Variants in CPNE4 observed in about 807,000 individuals in gnomAD.
The protein encoded by CPNE4 is copine 4, also known as copine-4.
CPNE4 carries 25 observed loss-of-function variants against 67.9 expected under a neutral mutation model. The ratio of observed to expected loss-of-function variants is 0.37; its 90% CI spans 0.27 to 0.51. The LOEUF (loss-of-function observed/expected upper bound fraction) is 0.51, where lower values mean the gene tolerates loss of function less well. Ranked by LOEUF, CPNE4 falls within the 20% of genes least tolerant of loss-of-function variation. The probability of loss-of-function intolerance (pLI) is 0.93; values close to 1 mark genes in which losing one functional copy is unlikely to be tolerated. For synonymous variants in CPNE4, 242 were observed against 244.9 expected, an observed-to-expected ratio of 0.99 and a Z score of 0.11; for missense variants, 464 against 690.8, an observed-to-expected ratio of 0.67 and a Z score of 3.68.
At chr3:131,882,723 A>ATTTTT (rs534737633) in intron 2 of CPNE4, among the ~76,000 whole-genome samples, 35,157 of 135,688 alleles carry the variant, frequency 0.26, 5,830 homozygotes, top group Non-Finnish European at 0.35. Context: ...GTTCTGCTCT[A>ATTTTT]TTTTTTTTTT....
chr3:131,733,552 C>T (rs988599493), intron 2 of CPNE4, among the ~76,000 whole-genome samples: 1 of 152,228 alleles, frequency 6.6e-6, no homozygotes, highest in Non-Finnish European at 1.5e-5. Flanking sequence ...TAAGCTGGCA[C>T]ATAAATATCA....
chr3:131,863,168 T>C lies in CPNE4; in HGVS notation c.180+42096A>G, dbSNP rs560323983. Among the ~76,000 whole-genome samples the C allele has an allele frequency of 1.2e-4, 19 of 152,342 alleles. No homozygotes were observed. The East Asian group carries it at 3.7e-3, about 29-fold the overall frequency. Reference sequence around the variant, plus strand: ...ATTGTGAATAGTGCAACAATAAATATACGTGTGCATGTGTCTTTATAGCAG... The same window carrying C: ...ATTGTGAATAGTGCAACAATAAATACACGTGTGCATGTGTCTTTATAGCAG... On this transcript the variant is annotated intron_variant, in intron 2 of 15. Coordinates refer to ENST00000429747, the MANE Select transcript of CPNE4 (RefSeq NM_130808.3).
chr3:131,942,457 TGTGTGTGAGAGAGAGAGAGA>T (rs1406616400), intron 1 of CPNE4, among the ~76,000 whole-genome samples: 184 of 60,922 alleles, frequency 3.0e-3, no homozygotes, highest in Middle Eastern at 7.1e-3. Context: ...TGTGTGTGTG[TGTGTGTGAGAGAGAGAGAGA>T]GAGAGAGAGA....
chr3:131,636,992 G>A (rs573440579), intron 7 of CPNE4, among the ~76,000 whole-genome samples: 2 of 152,308 alleles, frequency 1.3e-5, no homozygotes, highest in Admixed American at 1.3e-4. Context: ...GGAAAAGGGA[G>A]AACAGCACAT....
At chr3:132,012,382 T>C (rs1239986637) in intron 1 of CPNE4, among the ~76,000 whole-genome samples, 1 of 152,164 alleles carries the variant, frequency 6.6e-6, no homozygotes, top group South Asian at 2.1e-4. Context: ...TTGGCCAGGT[T>C]GGTCTCAAAC....
At chr3:131,657,535 T>C (rs1290360244) in intron 7 of CPNE4, among the ~76,000 whole-genome samples, 2 of 4,170 alleles carry the variant, frequency 4.8e-4, no homozygotes, top group African/African-American at 9.0e-4. Context: ...TATCTGTATT[T>C]TTTTTTTTTT....
chr3:131,936,062 G>T, intron 1 of CPNE4, among the ~76,000 whole-genome samples: 1 of 151,712 alleles, frequency 6.6e-6, no homozygotes, highest in African/African-American at 2.4e-5. Context: ...CAGGGCTTCT[G>T]ATATGCTCAT....
At chr3:131,777,100 C>T (rs2083309564) in intron 2 of CPNE4, among the ~76,000 whole-genome samples, 2 of 152,252 alleles carry the variant, frequency 1.3e-5, no homozygotes, top group East Asian at 1.9e-4. Context: ...GATTTCGCCT[C>T]ATTCAAGATG....
chr3:131,743,918 G>C (rs541891645), intron 2 of CPNE4, among the ~76,000 whole-genome samples: 1 of 115,784 alleles, frequency 8.6e-6, no homozygotes, highest in Non-Finnish European at 1.6e-5. Context: ...AGCCGAGATC[G>C]CGCCACTGCA....
At chr3:131,970,602 G>A (rs995339924) in intron 1 of CPNE4, among the ~76,000 whole-genome samples, 1 of 152,110 alleles carries the variant, frequency 6.6e-6, no homozygotes, top group Admixed American at 6.6e-5. Context: ...AGGGGATGGG[G>A]TTTATAATCT....
At chr3:131,754,266 G>A (rs1359003696) in intron 2 of CPNE4, among the ~76,000 whole-genome samples, 2 of 151,632 alleles carry the variant, frequency 1.3e-5, no homozygotes, top group African/African-American at 4.8e-5. Context: ...AGATTACATG[G>A]GCAAAGAGAA....
intron 1 of CPNE4, among the ~76,000 whole-genome samples, chr3:131,942,291 C>CT (rs1015406373): frequency 6.6e-6 from 1 of 151,902 alleles, no homozygotes; most frequent in Non-Finnish European, 1.5e-5. Flanking sequence ...TACTACCTAA[C>CT]TATAAGAGCA....
chr3:131,928,094 A>C (rs191051842), intron 1 of CPNE4, among the ~76,000 whole-genome samples: 35 of 152,264 alleles, frequency 2.3e-4, no homozygotes, highest in Admixed American at 1.0e-3. Context: ...TTGTAAATAA[A>C]GTTTTCTAGG....
At chr3:131,581,400 G>A (rs1937828085) in intron 9 of CPNE4, among the ~76,000 whole-genome samples, 179 bp downstream of exon 9, 1 of 152,178 alleles carries the variant, frequency 6.6e-6, no homozygotes, top group Non-Finnish European at 1.5e-5. Context: ...CGCTGCCACA[G>A]CTCCATGACC....
chr3:131,564,631 G>A (rs1936962211), intron 10 of CPNE4, among the ~76,000 whole-genome samples: 2 of 152,082 alleles, frequency 1.3e-5, no homozygotes, highest in South Asian at 4.2e-4. Context: ...AGATGCTGTT[G>A]ATCCATCTCA....
At chr3:131,742,892 G>A (rs1183165771) in intron 2 of CPNE4, among the ~76,000 whole-genome samples, 2 of 152,026 alleles carry the variant, frequency 1.3e-5, no homozygotes, top group African/African-American at 2.4e-5. Context: ...AGCCTTAAAT[G>A]CCTTTACTAC....
Position 131,723,525 on chromosome 3 carries a change from T to A in CPNE4, c.281A>T (p.Glu94Val). The A allele has an allele frequency of 6.2e-7, 1 of 1,614,052 alleles. No individual in the cohort carries two copies. Among genetic ancestry groups the A allele is most frequent in the Non-Finnish European group, 8.5e-7 (1 of 1,180,030 alleles). The part of the protein sequence containing the change: ...YFEEVQRLRF[E>V]VHDISSNHNG... Reference sequence around the variant, plus strand: ...GTGGTTGCTGCTGATGTCATGGACTTCAAACCGCAGGCGCTGCACCTCCTC... The same window carrying A: ...GTGGTTGCTGCTGATGTCATGGACTACAAACCGCAGGCGCTGCACCTCCTC... The change falls in exon 3 of 16, where the codon GAA becomes GTA. Residue 94 changes from glutamate to valine, a missense_variant. Around this residue, in one of 6 missense-constraint regions of CPNE4, gnomAD observed 170 missense variants for 203.3 expected, o/e 0.84. Transcript: ENST00000429747.
At chr3:131,969,165 A>G (rs2072437122) in intron 1 of CPNE4, among the ~76,000 whole-genome samples, 2 of 151,950 alleles carry the variant, frequency 1.3e-5, no homozygotes, top group African/African-American at 4.8e-5. Flanking sequence ...ATGAGAACAC[A>G]TGGACACAGG....
At chr3:131,776,844 C>T (rs2083302609) in intron 2 of CPNE4, among the ~76,000 whole-genome samples, 1 of 152,118 alleles carries the variant, frequency 6.6e-6, no homozygotes, top group Admixed American at 6.5e-5. Flanking sequence ...CCTCATCCTC[C>T]CTCTGCCACA....
Sources: allele counts gnomAD v4.1 joint callset (sites outside exome capture counted in the v4.1 genomes callset), GRCh38; gene constraint gnomAD v4.1.1; regional missense constraint gnomAD v4.1.1; transcripts MANE v1.5; gene names NCBI Gene and HGNC (gene_info 2026-07-23, HGNC 2026-07-21).